CAMKMT: variants seen among roughly 807,000 people sequenced by gnomAD.
The protein encoded by CAMKMT is CaM KMT.
Under a neutral mutation model 48.0 loss-of-function variants are expected in CAMKMT, and 53 were observed. The ratio of observed to expected loss-of-function variants is 1.10; its 90% CI spans 0.89 to 1.39. The LOEUF (loss-of-function observed/expected upper bound fraction) is 1.39. Ranked by LOEUF, CAMKMT falls within the 40% of genes most tolerant of loss-of-function variation. The probability of loss-of-function intolerance (pLI) is 0.00; values close to 1 mark genes in which losing one functional copy is unlikely to be tolerated. For synonymous variants in CAMKMT, 165 were observed against 152.3 expected (o/e 1.08, Z -0.61); for missense variants, 428 against 402.7 (o/e 1.06, Z -0.54).
At chr2:44,523,808 C>T (rs1338980238) in intron 3 of CAMKMT, among the ~76,000 whole-genome samples, 2 of 138,616 alleles carry the variant, frequency 1.4e-5, no homozygotes, top group African/African-American at 5.6e-5. Flanking sequence ...GATGGAGTCT[C>T]GCCCTGTCAC....
chr2:44,554,621 A>G (rs1391139612), intron 3 of CAMKMT, among the ~76,000 whole-genome samples: 1 of 152,160 alleles, frequency 6.6e-6, no homozygotes, highest in East Asian at 1.9e-4. Context: ...CTATAGTCCC[A>G]GTTACTTGGG....
intron 3 of CAMKMT, among the ~76,000 whole-genome samples, chr2:44,473,751 A>G (rs1445933567): frequency 6.6e-6 from 1 of 152,252 alleles, no homozygotes; most frequent in Non-Finnish European, 1.5e-5. Context: ...TAGAAACCCA[A>G]TTGACAAAAG....
At chr2:44,505,909 C>T (rs188483195) in intron 3 of CAMKMT, among the ~76,000 whole-genome samples, 6 of 151,534 alleles carry the variant, frequency 4.0e-5, no homozygotes, top group Non-Finnish European at 7.4e-5. Context: ...GCTCTGTTGC[C>T]CAGGCTGAAG....
chr2:44,492,785 C>T (rs1160256493), intron 3 of CAMKMT, among the ~76,000 whole-genome samples: 2 of 152,100 alleles, frequency 1.3e-5, no homozygotes, highest in Non-Finnish European at 2.9e-5. Context: ...AGGCTTTCTC[C>T]TAAGGCATTT....
At chr2:44,694,513 T>C (rs1365480010) in intron 3 of CAMKMT, among the ~76,000 whole-genome samples, 1 of 152,178 alleles carries the variant, frequency 6.6e-6, no homozygotes, top group Non-Finnish European at 1.5e-5. Flanking sequence ...CAGTGAGCCA[T>C]GACGGTGCCA....
intron 3 of CAMKMT, among the ~76,000 whole-genome samples, chr2:44,470,188 G>T (rs1668340576): frequency 6.6e-6 from 1 of 151,938 alleles, no homozygotes. Flanking sequence ...TATAGCTTTT[G>T]TAGCTTTCCA....
chr2:44,693,623 A>G lies in CAMKMT; in HGVS notation c.377-10660A>G, dbSNP rs530932605. On this transcript the variant is annotated intron_variant, in intron 3 of 10. Transcript: ENST00000378494. ...GGACCCGAAACATTGTAGATGCCCA[A>G]TAAATATTTGAGGAGCATTCTGTAG... is the stretch of plus-strand genomic sequence containing the variant. Among the ~76,000 whole-genome samples the G allele has an allele frequency of 2.4e-4, 37 of 152,334 alleles. No individual in the cohort carries two copies. The South Asian group carries it at 5.0e-3, about 20-fold the overall frequency.
intron 9 of CAMKMT, among the ~76,000 whole-genome samples, chr2:44,761,038 G>A (rs552761184): frequency 1.3e-5 from 2 of 152,310 alleles, no homozygotes; most frequent in Admixed American, 6.5e-5. Context: ...ACAAGCAAGG[G>A]ACGATCACCT....
At chr2:44,386,335 T>C (rs953099701) in intron 2 of CAMKMT, among the ~76,000 whole-genome samples, 2 of 152,082 alleles carry the variant, frequency 1.3e-5, no homozygotes, top group Non-Finnish European at 1.5e-5. Context: ...GAATGATCTT[T>C]TGTGTTTCAG....
intron 9 of CAMKMT, among the ~76,000 whole-genome samples, chr2:44,764,737 G>C (rs1680767030): frequency 6.6e-6 from 1 of 152,190 alleles, no homozygotes; most frequent in Admixed American, 6.5e-5. Context: ...CTACTGTACA[G>C]GTTGTTGAGA....
At chr2:44,715,451 C>A in intron 7 of CAMKMT, 98 bp downstream of exon 7, 1 of 848,018 alleles carries the variant, frequency 1.2e-6, no homozygotes, top group Non-Finnish European at 1.9e-6. Flanking sequence ...ATTTATTGAG[C>A]ACCTGCTGTG....
At chr2:44,664,001 G>T (rs949699496) in intron 3 of CAMKMT, among the ~76,000 whole-genome samples, 1 of 152,126 alleles carries the variant, frequency 6.6e-6, no homozygotes, top group African/African-American at 2.4e-5. Context: ...GTTTAAGTTG[G>T]GTGGCCAGGG....
chr2:44,675,090 A>G lies in CAMKMT; in HGVS notation c.377-29193A>G, dbSNP rs551804387. 4.0e-5 allele frequency among the ~76,000 whole-genome samples: 6 copies of G among 151,856 alleles called. No homozygotes were observed. In the East Asian group the frequency reaches 5.8e-4, roughly 15 times the overall value. ...TTTACCAACCTTAAGGGGGGGAAAA[A>G]AAAAAAGGCAAGCCAGCAAATGATA... On this transcript the variant is annotated intron_variant, in intron 3 of 10. Coordinates refer to ENST00000378494, the MANE Select transcript of CAMKMT (RefSeq NM_024766.5).
At chr2:44,510,400 C>T (rs780146501) in intron 3 of CAMKMT, among the ~76,000 whole-genome samples, 1 of 152,158 alleles carries the variant, frequency 6.6e-6, no homozygotes, top group Non-Finnish European at 1.5e-5. Context: ...AAGTGATGTG[C>T]TCCTTCTCAG....
intron 8 of CAMKMT, among the ~76,000 whole-genome samples, chr2:44,753,268 AAAAAAAG>A (rs1441340649): frequency 6.5e-5 from 9 of 138,746 alleles, no homozygotes; most frequent in Non-Finnish European, 1.4e-4. Flanking sequence ...AAAAAAAAAA[AAAAAAAG>A]AACTAGCTGG....
At chr2:44,409,090 T>C (rs1444104438) in intron 3 of CAMKMT, among the ~76,000 whole-genome samples, 1 of 714 alleles carries the variant, frequency 1.4e-3, no homozygotes, top group East Asian at 0.045. Context: ...GATATATATA[T>C]ATATATATAT....
At chr2:44,664,934 A>C (rs1407787018) in intron 3 of CAMKMT, among the ~76,000 whole-genome samples, 1 of 152,214 alleles carries the variant, frequency 6.6e-6, no homozygotes, top group Non-Finnish European at 1.5e-5. Flanking sequence ...GCTGTAGAGT[A>C]GATACTGGAA....
intron 9 of CAMKMT, among the ~76,000 whole-genome samples, chr2:44,763,749 C>T (rs1680715836): frequency 6.6e-6 from 1 of 152,198 alleles, no homozygotes; most frequent in Admixed American, 6.5e-5. Context: ...AGAGTGCTGT[C>T]ACATGCTTAG....
intron 9 of CAMKMT, among the ~76,000 whole-genome samples, chr2:44,764,390 C>A (rs1424064691): frequency 8.2e-6 from 1 of 122,170 alleles, no homozygotes; most frequent in Non-Finnish European, 1.8e-5. Flanking sequence ...TCAGTATAAT[C>A]TTTCTAATTA....
Sources: allele counts gnomAD v4.1 joint callset (sites outside exome capture counted in the v4.1 genomes callset), GRCh38; gene constraint gnomAD v4.1.1; transcripts MANE v1.5; gene names NCBI Gene and HGNC (gene_info 2026-07-23, HGNC 2026-07-21).